IFT80: variants seen among roughly 807,000 people sequenced by gnomAD.
The protein encoded by IFT80 is intraflagellar transport 80.
In IFT80, 79 loss-of-function variants were observed where a neutral mutation model predicts 107.9. The observed-to-expected ratio is 0.73, with a 90% CI of 0.61 to 0.88. The LOEUF (loss-of-function observed/expected upper bound fraction) is 0.88, where lower values mean the gene tolerates loss of function less well. Ranked by LOEUF, IFT80 falls within the 40% of genes least tolerant of loss-of-function variation. The pLI, the probability that IFT80 is intolerant of heterozygous loss-of-function variation, is 0.00. For synonymous variants in IFT80, 299 were observed against 300.9 expected (o/e 0.99, Z 0.07); for missense variants, 797 against 914.2 (o/e 0.87, Z 1.65).
chr3:160,334,835 G>C (rs1270538165), intron 8 of IFT80, among the ~76,000 whole-genome samples: 2 of 145,962 alleles, frequency 1.4e-5, no homozygotes, highest in East Asian at 2.0e-4. Flanking sequence ...CAGTTTCCTT[G>C]TTTTCTAGAA....
chr3:160,318,444 A>G (rs890140429), intron 9 of IFT80, among the ~76,000 whole-genome samples: 1 of 152,076 alleles, frequency 6.6e-6, no homozygotes, highest in Non-Finnish European at 1.5e-5. Flanking sequence ...AATAAGAGGA[A>G]GGTCGAATCC....
intron 18 of IFT80, among the ~76,000 whole-genome samples, chr3:160,271,360 T>C (rs1390153601): frequency 6.6e-6 from 1 of 152,170 alleles, no homozygotes; most frequent in Non-Finnish European, 1.5e-5. Flanking sequence ...TAAAAAGATG[T>C]TATAACTTCA....
At chr3:160,279,097 T>C (rs1024866817) in intron 16 of IFT80, 96 bp downstream of exon 16, 55 of 950,256 alleles carry the variant, frequency 5.8e-5, no homozygotes, top group Non-Finnish European at 8.4e-5. Flanking sequence ...TATTCACAAT[T>C]TTTCCAGCCT....
At chr3:160,319,650 G>A (rs1273864129) in intron 9 of IFT80, 110 bp downstream of exon 9, 3 of 991,234 alleles carry the variant, frequency 3.0e-6, no homozygotes, top group Non-Finnish European at 4.6e-6. Flanking sequence ...TAATGTGACT[G>A]AATTTTTATA....
chr3:160,389,614 AATG>A (rs1188446311), intron 1 of IFT80, among the ~76,000 whole-genome samples: 5 of 151,560 alleles, frequency 3.3e-5, no homozygotes, highest in African/African-American at 1.2e-4. Flanking sequence ...GTTTACTGAG[AATG>A]ATGATTTCCA....
chr3:160,319,109 T>C (rs921759844), intron 9 of IFT80, among the ~76,000 whole-genome samples: 6 of 152,086 alleles, frequency 3.9e-5, no homozygotes, highest in African/African-American at 1.4e-4. Context: ...GCCTTAACTG[T>C]TTCTTCAGGT....
intron 11 of IFT80, 60 bp from the exon 12 acceptor site, chr3:160,301,106 A>G (rs1576774877): frequency 2.9e-6 from 4 of 1,393,708 alleles, no homozygotes; most frequent in Non-Finnish European, 3.9e-6. Context: ...TTTTGTTTTC[A>G]TATTACAGAA....
intron 8 of IFT80, among the ~76,000 whole-genome samples, chr3:160,325,570 C>G (rs1197393207): frequency 6.6e-6 from 1 of 152,048 alleles, no homozygotes; most frequent in African/African-American, 2.4e-5. Flanking sequence ...GAAAACACAT[C>G]TCAGGGAATA....
chr3:160,378,434 A>G (rs1240696620), intron 3 of IFT80, among the ~76,000 whole-genome samples: 3 of 152,080 alleles, frequency 2.0e-5, no homozygotes, highest in Non-Finnish European at 2.9e-5. Flanking sequence ...CTGTCCATTG[A>G]AAGGGCCTTG....
chr3:160,290,377 C>T (rs1715451941), intron 12 of IFT80, among the ~76,000 whole-genome samples: 1 of 147,756 alleles, frequency 6.8e-6, no homozygotes, highest in Admixed American at 6.8e-5. Flanking sequence ...CACTGCACTC[C>T]GGCCTGGGCA....
intron 8 of IFT80, among the ~76,000 whole-genome samples, chr3:160,354,237 T>C (rs182749420): frequency 6.6e-6 from 1 of 152,246 alleles, no homozygotes; most frequent in Admixed American, 6.5e-5. Flanking sequence ...CATCCTGATG[T>C]TGTAATTGAG....
At chr3:160,314,274 G>A (rs1717623573) in intron 9 of IFT80, among the ~76,000 whole-genome samples, 1 of 152,098 alleles carries the variant, frequency 6.6e-6, no homozygotes, top group African/African-American at 2.4e-5. Context: ...TAAAGTTAGA[G>A]TGGCAGGAGA....
intron 6 of IFT80, among the ~76,000 whole-genome samples, chr3:160,359,417 C>T (rs1329282543): frequency 2.0e-5 from 3 of 152,136 alleles, no homozygotes; most frequent in Non-Finnish European, 4.4e-5. Flanking sequence ...TCTGCAGCTC[C>T]CAGTGTGATC....
chr3:160,382,275 T>C (rs1029808287), intron 2 of IFT80, among the ~76,000 whole-genome samples: 2 of 152,178 alleles, frequency 1.3e-5, no homozygotes, highest in East Asian at 1.9e-4. Context: ...GGAAAGAACT[T>C]ATGGTTTAAC....
At chr3:160,297,731 A>C (rs945689451) in intron 12 of IFT80, among the ~76,000 whole-genome samples, 16 of 152,100 alleles carry the variant, frequency 1.1e-4, no homozygotes, top group African/African-American at 3.6e-4. Context: ...AAATCCTATT[A>C]TTTTCATAGC....
At chr3:160,324,624 A>G (rs1350156585) in intron 8 of IFT80, among the ~76,000 whole-genome samples, 10 of 152,042 alleles carry the variant, frequency 6.6e-5, no homozygotes, top group South Asian at 2.1e-4. Context: ...TTGATGGGAC[A>G]TATCTCAAAA....
intron 16 of IFT80, among the ~76,000 whole-genome samples, chr3:160,278,728 T>C (rs887791726): frequency 1.3e-5 from 2 of 152,206 alleles, no homozygotes. Context: ...TTCTAAGGAA[T>C]GTTCACTGAT....
chr3:160,282,549 A>G lies in IFT80; in HGVS notation c.1445T>C (p.Ile482Thr), dbSNP rs1051616841. 2 of 1,593,100 alleles carry G rather than the reference A, an allele frequency of 1.3e-6. No homozygotes were observed. The highest frequency in any genetic ancestry group is 2.3e-5 in the South Asian group (2 of 87,952). The change falls in exon 14 of 20, where the codon ATT (isoleucine) becomes ACT (threonine). Residue 482 changes from isoleucine (I) to threonine (T), a missense_variant. Ile to Thr is a moderately conservative substitution (Grantham distance 89, BLOSUM62 -1). Transcript: ENST00000326448. Reference sequence around the variant, plus strand: ...GATACAGAGATCTCTATTTTTATCAATGAAAGCAATTTTTCTATCATTGGT... The same window carrying G: ...GATACAGAGATCTCTATTTTTATCAGTGAAAGCAATTTTTCTATCATTGGT... ...GLTNDRKIAF[I>T]DKNRDLCITS...
At chr3:160,311,324 C>T (rs1293595462) in intron 9 of IFT80, among the ~76,000 whole-genome samples, 2 of 151,924 alleles carry the variant, frequency 1.3e-5, no homozygotes, top group Admixed American at 1.3e-4. Flanking sequence ...CAATGTGGGG[C>T]TTTATTTCCT....
Sources: allele counts gnomAD v4.1 joint callset (sites outside exome capture counted in the v4.1 genomes callset), GRCh38; gene constraint gnomAD v4.1.1; transcripts MANE v1.5; gene names NCBI Gene and HGNC (gene_info 2026-07-23, HGNC 2026-07-21).